Variants in MGMT observed in about 807,000 individuals in gnomAD.
MGMT encodes O-6-methylguanine-DNA methyltransferase, also known as methylated-DNA--protein-cysteine methyltransferase.
MGMT carries 14 observed loss-of-function variants against 15.9 expected under a neutral mutation model. The ratio of observed to expected loss-of-function variants is 0.88; its 90% CI spans 0.58 to 1.37. The LOEUF is 1.37. MGMT is among the 40% of genes most tolerant of loss of function. The pLI is 0.00. For synonymous variants in MGMT, 130 were observed against 118.2 expected (o/e 1.10, Z -0.65); for missense variants, 282 against 268.1 (o/e 1.05, Z -0.36).
intron 3 of MGMT, among the ~76,000 whole-genome samples, chr10:129,733,410 G>GT (rs1270880379): frequency 1.3e-5 from 2 of 151,610 alleles, no homozygotes; most frequent in East Asian, 1.9e-4. Flanking sequence ...GGGGTTGTTT[G>GT]TTTTTTTCTT....
At chr10:129,528,718 G>A (rs1031299916) in intron 1 of MGMT, among the ~76,000 whole-genome samples, 6 of 152,204 alleles carry the variant, frequency 3.9e-5, no homozygotes, top group Non-Finnish European at 5.9e-5. Context: ...GTTGGGCCCT[G>A]ATCTGTCAAG....
chr10:129,598,863 A>G (rs1029648573), intron 2 of MGMT, among the ~76,000 whole-genome samples: 2 of 152,170 alleles, frequency 1.3e-5, no homozygotes, highest in East Asian at 1.9e-4. Context: ...TGCTGAACAC[A>G]TGCCCTGAGC....
intron 2 of MGMT, among the ~76,000 whole-genome samples, chr10:129,589,581 A>G (rs1224399885): frequency 6.6e-6 from 1 of 152,254 alleles, no homozygotes; most frequent in African/African-American, 2.4e-5. Flanking sequence ...GGAGTGAAAC[A>G]TCTTGACTTT....
chr10:129,639,863 A>C (rs1369685328), intron 2 of MGMT, among the ~76,000 whole-genome samples: 1 of 152,060 alleles, frequency 6.6e-6, no homozygotes, highest in Non-Finnish European at 1.5e-5. Context: ...GAAAACAGAA[A>C]AACAGTGGAA....
chr10:129,507,320 A>G (rs558873697), intron 1 of MGMT, among the ~76,000 whole-genome samples: 1 of 152,274 alleles, frequency 6.6e-6, no homozygotes, highest in African/African-American at 2.4e-5. Context: ...TAGATGGAGG[A>G]CAAGGCCTCT....
intron 1 of MGMT, among the ~76,000 whole-genome samples, chr10:129,526,530 G>A (rs1175161598): frequency 2.0e-5 from 3 of 152,130 alleles, no homozygotes; most frequent in Non-Finnish European, 2.9e-5. Flanking sequence ...TAACATGTTC[G>A]TTTTTATGTT....
intron 2 of MGMT, among the ~76,000 whole-genome samples, chr10:129,649,119 A>G (rs1156967660): frequency 6.6e-6 from 1 of 152,212 alleles, no homozygotes; most frequent in Admixed American, 6.5e-5. Context: ...ATTAATGTCC[A>G]GAAGCGTAAA....
intron 2 of MGMT, among the ~76,000 whole-genome samples, chr10:129,550,558 C>T (rs1303838976): frequency 9.2e-5 from 14 of 151,834 alleles, no homozygotes; most frequent in African/African-American, 2.7e-4. Context: ...GTGATTCTCG[C>T]GCCTCAGCCC....
intron 3 of MGMT, among the ~76,000 whole-genome samples, chr10:129,741,023 C>T (rs1848625687): frequency 6.6e-6 from 1 of 152,178 alleles, no homozygotes; most frequent in Admixed American, 6.5e-5. Context: ...ATGCCTTTGG[C>T]CCTTGCACCA....
intron 2 of MGMT, among the ~76,000 whole-genome samples, chr10:129,582,859 A>G (rs913465570): frequency 1.3e-5 from 2 of 152,194 alleles, no homozygotes; most frequent in Non-Finnish European, 2.9e-5. Context: ...CCCTGTGGAC[A>G]GAAAGAATTA....
intron 4 of MGMT, among the ~76,000 whole-genome samples, chr10:129,760,052 C>G (rs1185755185): frequency 6.6e-6 from 1 of 152,250 alleles, no homozygotes; most frequent in Admixed American, 6.5e-5. Flanking sequence ...AGGCCATGCT[C>G]CCCAGAGGAC....
chr10:129,478,769 G>A (rs1002805568), intron 1 of MGMT, among the ~76,000 whole-genome samples: 4 of 152,224 alleles, frequency 2.6e-5, no homozygotes, highest in Admixed American at 6.5e-5. Context: ...ATGCTGTGGT[G>A]AATACAGGTG....
intron 1 of MGMT, among the ~76,000 whole-genome samples, chr10:129,472,540 C>T (rs1006693014): frequency 2.2e-4 from 33 of 152,186 alleles, no homozygotes; most frequent in African/African-American, 8.0e-4. Context: ...TCACTGGGGG[C>T]ATGTGCACGG....
chr10:129,762,480 C>T (rs1385098367), intron 4 of MGMT, among the ~76,000 whole-genome samples: 2 of 152,142 alleles, frequency 1.3e-5, no homozygotes, highest in African/African-American at 4.8e-5. Flanking sequence ...CCAGGAAGGA[C>T]TCACCAGCCG....
intron 2 of MGMT, among the ~76,000 whole-genome samples, chr10:129,652,781 G>C (rs1448073643): frequency 6.6e-6 from 1 of 152,228 alleles, no homozygotes; most frequent in Non-Finnish European, 1.5e-5. Context: ...TGGATTCCCT[G>C]CCATGCAGGG....
chr10:129,741,987 G>A (rs958174561), intron 3 of MGMT, among the ~76,000 whole-genome samples: 1 of 152,346 alleles, frequency 6.6e-6, no homozygotes, highest in Admixed American at 6.5e-5. Context: ...CAAAGTGGTT[G>A]TCAGGGCTCA....
intron 2 of MGMT, among the ~76,000 whole-genome samples, chr10:129,706,620 C>G (rs533849170): frequency 1.3e-5 from 2 of 152,256 alleles, no homozygotes; most frequent in Non-Finnish European, 1.5e-5. Flanking sequence ...TCTGGGGCCT[C>G]GAGAGGCAGG....
At chr10:129,620,915 T>C (rs1432263613) in intron 2 of MGMT, among the ~76,000 whole-genome samples, 4 of 152,214 alleles carry the variant, frequency 2.6e-5, no homozygotes, top group African/African-American at 9.6e-5. Flanking sequence ...TTTTTTGATT[T>C]CATTTTATAA....
chr10:129,485,048 T>G (rs1367742996), intron 1 of MGMT, among the ~76,000 whole-genome samples: 1 of 152,046 alleles, frequency 6.6e-6, no homozygotes, highest in Non-Finnish European at 1.5e-5. Flanking sequence ...GAATGTTGTA[T>G]TAGGAGATCT....
Sources: gnomAD v4.1 joint callset for allele counts (sites outside exome capture counted in the v4.1 genomes callset) on GRCh38, gnomAD v4.1.1 for gene constraint, MANE v1.5 for transcripts, NCBI Gene and HGNC (gene_info 2026-07-23, HGNC 2026-07-21) for gene names.